NDE1: variants seen among roughly 807,000 people sequenced by gnomAD.
NDE1 encodes the protein nuclear distribution protein nudE homolog 1.
NDE1 carries 28 observed loss-of-function variants against 43.4 expected under a neutral mutation model. That is an observed-to-expected ratio of 0.65 (90% confidence interval 0.48 to 0.89). NDE1 has a LOEUF of 0.89. Among genes scored for constraint, NDE1 ranks in the 40% least tolerant of loss-of-function variants. The pLI is 0.00. For synonymous variants in NDE1, 184 were observed against 172.0 expected, an observed-to-expected ratio of 1.07 and a Z score of -0.55; for missense variants, 441 against 434.1, an observed-to-expected ratio of 1.02 and a Z score of -0.14.
At chr16:15,699,973 G>GCCAT in intron 8 of NDE1, 2 of 1,203,650 alleles carry the variant, frequency 1.7e-6, no homozygotes, top group Non-Finnish European at 2.1e-6. Context: ...AATGACCGAG[G>GCCAT]CCATCACCTG....
intron 8 of NDE1, chr16:15,714,632 T>C (rs1029398369): frequency 5.3e-6 from 3 of 568,006 alleles, no homozygotes; most frequent in African/African-American, 1.9e-5. Flanking sequence ...ACAGTGGGGA[T>C]AGCCTCTTCC....
rs767085601 is a variant in NDE1 at position 15,691,135 on chromosome 16, C to G, written c.524-9C>G. ...GGACTTGAATTCCTGAATCCTTTTT[C>G]TGGCACAGATTTGCGGCAGGAACTG... On this transcript the variant is annotated splice_polypyrimidine_tract_variant and intron_variant, in intron 5 of 8. Transcript: ENST00000396354. The G allele has an allele frequency of 6.2e-7, 1 of 1,614,094 alleles. No homozygotes were observed. Among genetic ancestry groups the G allele is most frequent in the Non-Finnish European group, 8.5e-7 (1 of 1,180,004 alleles).
intron 8 of NDE1, among the ~76,000 whole-genome samples, chr16:15,706,506 G>A (rs966437241): frequency 6.6e-5 from 10 of 152,098 alleles, no homozygotes; most frequent in East Asian, 1.9e-4. Context: ...TCAGTTGTTC[G>A]AGGCCATCCT....
chr16:15,694,118 A>T, intron 6 of NDE1, 47 bp from the exon 7 acceptor site: 1 of 1,605,840 alleles, frequency 6.2e-7, no homozygotes, highest in Non-Finnish European at 8.5e-7. Context: ...ACGCACAGAC[A>T]TGACTATAGG....
Position 15,724,433 on chromosome 16 carries a change from G to C in NDE1, c.*182G>C, listed in dbSNP as rs777634685. ...AGCTACAAGGACAGCGTCCAGGGTA[G>C]GGTGAGAGGGGGACCATGAGTGGCC... On this transcript the variant is annotated 3_prime_UTR_variant, in exon 9 of 9. Transcript: ENST00000396354. The C allele has an allele frequency of 6.2e-7, 1 of 1,612,996 alleles. No individual in the cohort carries two copies. The highest frequency in any genetic ancestry group is 2.2e-5 in the East Asian group (1 of 44,878).
Position 15,724,700 on chromosome 16 carries a change from C to T in NDE1, c.*449C>T. 2 of 1,614,196 alleles carry T rather than the reference C, an allele frequency of 1.2e-6. No homozygotes were observed. The highest frequency in any genetic ancestry group is 1.1e-5 in the South Asian group (1 of 91,086). ...TCCAGGTTCTGCTTGGCCTCCATCT[C>T]CTCGTCCAGCTGGTCTTGCAGGCTG... On this transcript the variant is annotated 3_prime_UTR_variant, in exon 9 of 9. Transcript: ENST00000396354.
At chr16:15,644,390 C>A (rs144602405) in intron 1 of NDE1, among the ~76,000 whole-genome samples, 50 of 152,294 alleles carry the variant, frequency 3.3e-4, no homozygotes, top group African/African-American at 1.2e-3. Context: ...AGACATGTAG[C>A]TGAAGAATCC....
chr16:15,717,546 G>A lies in NDE1; in HGVS notation c.948-6645G>A, dbSNP rs151154296. 1.4e-4 allele frequency: 83 copies of A among 612,706 alleles called. No individual in the cohort carries two copies. The East Asian group carries it at 2.1e-3, about 15-fold the overall frequency. 38.0% of individuals were successfully genotyped at this position (612,706 alleles called of 1,614,324 possible). Reference sequence around the variant, plus strand: ...GTGGTGGCGCACGCCTGTAATCCCAGCACTTTTGGAAGCAGAGGCAGGTAA... The same window carrying A: ...GTGGTGGCGCACGCCTGTAATCCCAACACTTTTGGAAGCAGAGGCAGGTAA... On this transcript the variant is annotated intron_variant, in intron 8 of 8. Coordinates refer to ENST00000396354, the MANE Select transcript of NDE1 (RefSeq NM_017668.3).
chr16:15,716,794 G>A (rs547031072), intron 8 of NDE1, among the ~76,000 whole-genome samples: 8 of 152,320 alleles, frequency 5.3e-5, no homozygotes, highest in East Asian at 1.9e-4. Flanking sequence ...GATTACAGGC[G>A]TGAGCCACCA....
chr16:15,725,111 AC>A lies in NDE1; in HGVS notation c.*863del. 1 of 769,734 alleles carries A rather than the reference AC, an allele frequency of 1.3e-6. No individual in the cohort carries two copies. The highest frequency in any genetic ancestry group is 2.0e-5 in the Admixed American group (1 of 48,908). The allele number at this position is 769,734 out of a possible 1,614,324, so 47.7% of individuals were successfully genotyped here. On this transcript the variant is annotated 3_prime_UTR_variant, in exon 9 of 9. Coordinates refer to ENST00000396354, the MANE Select transcript of NDE1 (RefSeq NM_017668.3). The stretch of plus-strand genomic sequence containing the variant: ...TGAGGTGTTCACTGATTGAGAAAAT[AC>A]CCGTGAGGTATGGGACTCTGATAAA...
intron 7 of NDE1, 127 bp from the exon 8 acceptor site, chr16:15,696,582 C>T: frequency 6.4e-7 from 1 of 1,553,990 alleles, no homozygotes; most frequent in Non-Finnish European, 8.7e-7. Flanking sequence ...CTTGGGGTCC[C>T]ACCTTGGAAT....
At chr16:15,721,226 A>G in intron 8 of NDE1, 1 of 932,230 alleles carries the variant, frequency 1.1e-6, no homozygotes, top group Middle Eastern at 3.2e-4. Context: ...TTATCCTCGG[A>G]CCCCCCAACT....
chr16:15,680,886 T>A (rs1169300811), intron 4 of NDE1, among the ~76,000 whole-genome samples: 1 of 152,164 alleles, frequency 6.6e-6, no homozygotes, highest in African/African-American at 2.4e-5. Context: ...GAAAATAATT[T>A]TTTCCGTGGT....
chr16:15,674,658 C>T (rs115407526), intron 3 of NDE1, among the ~76,000 whole-genome samples: 1,565 of 152,274 alleles, frequency 0.01, 34 homozygotes, highest in African/African-American at 0.035. Flanking sequence ...AAACCAAGTA[C>T]ATGCTGCTCT....
Position 15,724,537 on chromosome 16 carries a change from G to T in NDE1, c.*286G>T, listed in dbSNP as rs558625464. The T allele has an allele frequency of 3.7e-6, 6 of 1,606,594 alleles. No individual in the cohort carries two copies. The highest frequency in any genetic ancestry group is 1.7e-5 in the Admixed American group (1 of 60,006). On this transcript the variant is annotated 3_prime_UTR_variant, in exon 9 of 9. Coordinates refer to ENST00000396354, the MANE Select transcript of NDE1 (RefSeq NM_017668.3). ...AGAAACCCAATAGCAGGGGAAGCTGGGGGGTCAAGCACCATCGCACCAACA... is the reference window on the plus strand; with the variant it reads ...AGAAACCCAATAGCAGGGGAAGCTGTGGGGTCAAGCACCATCGCACCAACA...
chr16:15,682,956 C>T (rs1181377657), intron 4 of NDE1, among the ~76,000 whole-genome samples: 1 of 152,078 alleles, frequency 6.6e-6, no homozygotes, highest in African/African-American at 2.4e-5. Context: ...TCCACCACCT[C>T]GGCCTCCCAA....
chr16:15,722,656 T>C (rs1409687022), intron 8 of NDE1, among the ~76,000 whole-genome samples: 1 of 152,168 alleles, frequency 6.6e-6, no homozygotes, highest in African/African-American at 2.4e-5. Flanking sequence ...ACTGGGATGT[T>C]ATCTAGAATC....
At chr16:15,654,268 C>T (rs2036644787) in intron 1 of NDE1, among the ~76,000 whole-genome samples, 1 of 151,954 alleles carries the variant, frequency 6.6e-6, no homozygotes, top group South Asian at 2.1e-4. Flanking sequence ...TATACTGAGA[C>T]CAGGCATTAA....
At chr16:15,702,321 T>A (rs1472011255) in intron 8 of NDE1, among the ~76,000 whole-genome samples, 1 of 152,248 alleles carries the variant, frequency 6.6e-6, no homozygotes, top group Non-Finnish European at 1.5e-5. Context: ...TTAAGGGTTG[T>A]TTTAAAGAAG....
Sources: allele counts gnomAD v4.1 joint callset (sites outside exome capture counted in the v4.1 genomes callset), GRCh38; gene constraint gnomAD v4.1.1; transcripts MANE v1.5; gene names NCBI Gene and HGNC (gene_info 2026-07-23, HGNC 2026-07-21).